ZNF804A: variants seen among roughly 807,000 people sequenced by gnomAD.
The protein encoded by ZNF804A is zinc finger protein 804A.
Under a neutral mutation model 16.5 loss-of-function variants are expected in ZNF804A, and 2 were observed. The observed-to-expected ratio is 0.12, with a 90% confidence interval of 0.05 to 0.38. The LOEUF (loss-of-function observed/expected upper bound fraction) is 0.38, where lower values mean the gene tolerates loss of function less well. ZNF804A is among the 10% of genes least tolerant of loss of function. The probability of loss-of-function intolerance (pLI) is 0.99; values close to 1 mark genes in which losing one functional copy is unlikely to be tolerated. For synonymous variants in ZNF804A, 534 were observed against 489.6 expected, an observed-to-expected ratio of 1.09 and a Z score of -1.20; for missense variants, 1,473 against 1,390.7, an observed-to-expected ratio of 1.06 and a Z score of -0.94.
intron 1 of ZNF804A, among the ~76,000 whole-genome samples, chr2:184,734,658 T>G (rs1391638586): frequency 6.6e-6 from 1 of 152,236 alleles, no homozygotes; most frequent in Non-Finnish European, 1.5e-5. Flanking sequence ...TTTGATAATG[T>G]TGTTTATAGA....
chr2:184,711,679 T>C (rs1010262464), intron 1 of ZNF804A, among the ~76,000 whole-genome samples: 1 of 151,748 alleles, frequency 6.6e-6, no homozygotes, highest in Non-Finnish European at 1.5e-5. Flanking sequence ...AAGCATCCAA[T>C]TTTATTGTTT....
At chr2:184,727,393 G>A (rs1027294931) in intron 1 of ZNF804A, among the ~76,000 whole-genome samples, 1 of 151,480 alleles carries the variant, frequency 6.6e-6, no homozygotes, top group Non-Finnish European at 1.5e-5. Context: ...ACATATCAGA[G>A]TCATTAAATA....
intron 1 of ZNF804A, among the ~76,000 whole-genome samples, chr2:184,688,533 A>T (rs10173509): frequency 0.31 from 47,835 of 151,936 alleles, 9,854 homozygotes; most frequent in African/African-American, 0.58. Flanking sequence ...AAACTGAGAG[A>T]TAGGATTACT....
intron 2 of ZNF804A, among the ~76,000 whole-genome samples, chr2:184,908,502 T>G (rs1457628153): frequency 6.6e-6 from 1 of 152,122 alleles, no homozygotes; most frequent in Non-Finnish European, 1.5e-5. Flanking sequence ...GGTAACATGT[T>G]TGCATGATCT....
intron 2 of ZNF804A, among the ~76,000 whole-genome samples, chr2:184,867,865 G>T (rs1319197571): frequency 6.6e-6 from 1 of 152,024 alleles, no homozygotes; most frequent in African/African-American, 2.4e-5. Flanking sequence ...GTATCTAAAA[G>T]CCTGAGTATA....
intron 1 of ZNF804A, among the ~76,000 whole-genome samples, chr2:184,706,783 A>G (rs1693037612): frequency 6.6e-6 from 1 of 152,218 alleles, no homozygotes; most frequent in East Asian, 1.9e-4. Flanking sequence ...ACAATATCCA[A>G]CTTCGTGTGT....
chr2:184,769,608 C>G (rs1694181841), intron 1 of ZNF804A, among the ~76,000 whole-genome samples: 1 of 151,860 alleles, frequency 6.6e-6, no homozygotes, highest in Non-Finnish European at 1.5e-5. Context: ...AAGATGGCAT[C>G]TGTATATAGG....
At chr2:184,706,839 G>T (rs753993494) in intron 1 of ZNF804A, among the ~76,000 whole-genome samples, 3 of 152,138 alleles carry the variant, frequency 2.0e-5, no homozygotes, top group Non-Finnish European at 4.4e-5. Flanking sequence ...TAGGAAATGT[G>T]TTCTATACTG....
At chr2:184,728,547 G>A (rs1298692320) in intron 1 of ZNF804A, among the ~76,000 whole-genome samples, 1 of 151,890 alleles carries the variant, frequency 6.6e-6, no homozygotes, top group Non-Finnish European at 1.5e-5. Flanking sequence ...ATAGGACTTT[G>A]CACCTAGAGA....
chr2:184,773,734 A>G (rs902319818), intron 1 of ZNF804A, among the ~76,000 whole-genome samples: 38 of 151,914 alleles, frequency 2.5e-4, no homozygotes, highest in Non-Finnish European at 7.4e-5. Flanking sequence ...CCAAAATCTC[A>G]GAAATCGCCA....
intron 1 of ZNF804A, among the ~76,000 whole-genome samples, chr2:184,633,383 C>T (rs1013979652): frequency 9.9e-5 from 15 of 151,974 alleles, no homozygotes; most frequent in African/African-American, 3.6e-4. Flanking sequence ...AAGTAGGTGG[C>T]GGAAGAAGTG....
chr2:184,653,903 C>T (rs112794690), intron 1 of ZNF804A, among the ~76,000 whole-genome samples: 32 of 152,302 alleles, frequency 2.1e-4, no homozygotes, highest in African/African-American at 6.7e-4. Flanking sequence ...AATTGCGTCT[C>T]CCTGGTGCTG....
At position 184,876,404 on chromosome 2, in the gene ZNF804A, G is replaced by A. The variant is rs551094119; in HGVS notation, c.255+9892G>A. 8.6e-5 allele frequency among the ~76,000 whole-genome samples: 13 copies of A among 151,792 alleles called. No individual in the cohort carries two copies. The South Asian group carries it at 1.5e-3, about 17-fold the overall frequency. ...CATGGGATTTTTTGGTGTGTATGTC[G>A]TGTGTACTTCAATCTAATTGAACTT... On this transcript the variant is annotated intron_variant, in intron 2 of 3. Transcript: ENST00000302277.
In ZNF804A at chr2:184,836,944, T is replaced by A. The variant is rs181762598; in HGVS notation, c.112-29425T>A. ...AAACTGCTTTTGTTCCCTGACTGCA[T>A]CAAGTTTTTTTCAAGCCTTTGTGAC... On this transcript the variant is annotated intron_variant, in intron 1 of 3. Transcript: ENST00000302277. 3.3e-5 allele frequency among the ~76,000 whole-genome samples: 5 copies of A among 152,160 alleles called. No homozygotes were observed. The East Asian group carries it at 9.7e-4, about 30-fold the overall frequency.
intron 1 of ZNF804A, among the ~76,000 whole-genome samples, chr2:184,779,382 C>T (rs1694340079): frequency 6.6e-6 from 1 of 151,696 alleles, no homozygotes; most frequent in South Asian, 2.1e-4. Flanking sequence ...GCTGTTTCTA[C>T]TTATAATTCT....
At chr2:184,604,217 C>T (rs560821381) in intron 1 of ZNF804A, among the ~76,000 whole-genome samples, 2 of 116,620 alleles carry the variant, frequency 1.7e-5, no homozygotes, top group South Asian at 6.1e-4. Flanking sequence ...TTTGCCCAGG[C>T]TGGAGTGCAA....
chr2:184,783,148 T>TG (rs1694398100), intron 1 of ZNF804A, among the ~76,000 whole-genome samples: 1 of 132,760 alleles, frequency 7.5e-6, no homozygotes, highest in South Asian at 2.4e-4. Context: ...GTTTTTTTTT[T>TG]TTTTTTTTTT....
intron 2 of ZNF804A, among the ~76,000 whole-genome samples, chr2:184,924,555 A>T (rs1450027540): frequency 1.3e-5 from 2 of 149,612 alleles, no homozygotes; most frequent in Non-Finnish European, 3.0e-5. Flanking sequence ...CTTCATATTC[A>T]TTTATTTCCA....
intron 2 of ZNF804A, among the ~76,000 whole-genome samples, chr2:184,872,051 A>C (rs762618894): frequency 1.4e-4 from 21 of 152,136 alleles, no homozygotes; most frequent in African/African-American, 1.7e-4. Flanking sequence ...ACTAGTTATT[A>C]AAGGAAACTA....
Sources: gnomAD v4.1 joint callset for allele counts (sites outside exome capture counted in the v4.1 genomes callset) on GRCh38, gnomAD v4.1.1 for gene constraint, MANE v1.5 for transcripts, NCBI Gene and HGNC (gene_info 2026-07-23, HGNC 2026-07-21) for gene names.